Variants in NRXN3 observed in about 807,000 individuals in gnomAD.
NRXN3 encodes neurexin III.
In NRXN3, 32 loss-of-function variants were observed where a neutral mutation model predicts 137.6. The ratio of observed to expected loss-of-function variants is 0.23; its 90% CI spans 0.18 to 0.31. The LOEUF (loss-of-function observed/expected upper bound fraction) is 0.31, where lower values mean the gene tolerates loss of function less well. Among genes scored for constraint, NRXN3 ranks in the 10% least tolerant of loss-of-function variants. NRXN3 has a pLI of 1.00. For missense variants in NRXN3, 1,574 were observed against 2,062.5 expected (o/e 0.76, Z 4.59); for synonymous variants, 798 against 784.5 (o/e 1.02, Z -0.29).
intron 4 of NRXN3, among the ~76,000 whole-genome samples, chr14:78,555,079 T>C (rs1270633192): frequency 6.6e-6 from 1 of 152,252 alleles, no homozygotes; most frequent in African/African-American, 2.4e-5. Context: ...TCTGTGTCTC[T>C]ATTTCTCCCT....
intron 15 of NRXN3, among the ~76,000 whole-genome samples, chr14:79,391,613 G>T (rs1566993419): frequency 6.6e-6 from 1 of 152,136 alleles, no homozygotes; most frequent in Non-Finnish European, 1.5e-5. Context: ...ACTAAAGGGT[G>T]AGCTGTATCA....
At chr14:78,736,655 T>C (rs2098542432) in intron 8 of NRXN3, among the ~76,000 whole-genome samples, 1 of 152,226 alleles carries the variant, frequency 6.6e-6, no homozygotes, top group Non-Finnish European at 1.5e-5. Context: ...ATTTACACTT[T>C]TATTCATTCA....
intron 15 of NRXN3, among the ~76,000 whole-genome samples, chr14:79,325,335 G>A (rs749186490): frequency 7.9e-5 from 12 of 152,134 alleles, no homozygotes; most frequent in Non-Finnish European, 1.5e-4. Flanking sequence ...TTGACAAGGT[G>A]ACAGAGAGCC....
rs141541770 is a variant in NRXN3, at chr14:79,416,431, C to G, written c.3263-50790C>G. 3.9e-5 allele frequency among the ~76,000 whole-genome samples: 6 copies of G among 152,214 alleles called. No homozygotes were observed. In the East Asian group the frequency reaches 1.2e-3, roughly 29 times the overall value. On this transcript the variant is annotated intron_variant, in intron 15 of 20. Coordinates refer to ENST00000335750, the MANE Select transcript of NRXN3 (RefSeq NM_001330195.2). ...ACAAACAGAAAGCTATCTCATAGTTCTTGTATGACCAGAAAGTTATTGAAA... is the reference window on the plus strand; with the variant it reads ...ACAAACAGAAAGCTATCTCATAGTTGTTGTATGACCAGAAAGTTATTGAAA...
chr14:79,317,706 A>T (rs1038851208), intron 15 of NRXN3, among the ~76,000 whole-genome samples: 2 of 152,212 alleles, frequency 1.3e-5, no homozygotes, highest in African/African-American at 4.8e-5. Flanking sequence ...CCAAAGTGGG[A>T]TACATACATT....
chr14:79,424,834 G>A (rs2095630951), intron 15 of NRXN3, among the ~76,000 whole-genome samples: 1 of 152,164 alleles, frequency 6.6e-6, no homozygotes, highest in African/African-American at 2.4e-5. Context: ...CTTTTGGAAA[G>A]AATGAAATAT....
chr14:79,225,107 G>A (rs990712051), intron 15 of NRXN3, among the ~76,000 whole-genome samples: 1 of 152,116 alleles, frequency 6.6e-6, no homozygotes, highest in Non-Finnish European at 1.5e-5. Context: ...ATGGAGGCAG[G>A]AATCCAAGAA....
chr14:79,295,051 C>T (rs1298853964), intron 15 of NRXN3, among the ~76,000 whole-genome samples: 6 of 152,200 alleles, frequency 3.9e-5, no homozygotes, highest in East Asian at 1.9e-4. Flanking sequence ...ATGGGCTCTT[C>T]GTGTCATTTC....
chr14:79,546,507 G>C lies in NRXN3; in HGVS notation c.3444+79105G>C, dbSNP rs181252317. Among the ~76,000 whole-genome samples, 577 of 152,236 alleles carry C rather than the reference G, an allele frequency of 3.8e-3. 7 individuals are homozygous for C. Among genetic ancestry groups the C allele is most frequent in the Non-Finnish European group, 2.8e-3 (191 of 68,010 alleles). On this transcript the variant is annotated intron_variant, in intron 16 of 20. Coordinates refer to ENST00000335750, the MANE Select transcript of NRXN3 (RefSeq NM_001330195.2). ...CATTAAGCAAATGTAAGATGTTTGA[G>C]TTTCAAAGATGAACAAGTGACTTGT...
At chr14:78,593,932 C>G (rs1219957705) in intron 4 of NRXN3, among the ~76,000 whole-genome samples, 1 of 152,150 alleles carries the variant, frequency 6.6e-6, no homozygotes, top group Admixed American at 6.5e-5. Flanking sequence ...ATGCTAGATT[C>G]ATGTGCATGA....
At chr14:78,296,860 G>C (rs949294650) in intron 3 of NRXN3, among the ~76,000 whole-genome samples, 8 of 151,046 alleles carry the variant, frequency 5.3e-5, no homozygotes, top group Admixed American at 5.3e-4. Context: ...CCTGAATTTT[G>C]CTCAGAGTAA....
chr14:78,527,153 T>A lies in NRXN3; in HGVS notation c.758-117967T>A, dbSNP rs113104819. On this transcript the variant is annotated intron_variant, in intron 4 of 20. Coordinates refer to ENST00000335750, the MANE Select transcript of NRXN3 (RefSeq NM_001330195.2). ...TTTATTTATCCTTACACCTTTGTAT[T>A]AGTCCATTCTCACACTGCTACAAAT... is the stretch of plus-strand genomic sequence containing the variant. Among the ~76,000 whole-genome samples the A allele has an allele frequency of 1.6e-3, 238 of 152,314 alleles. 1 individual carries two copies. The highest frequency in any genetic ancestry group is 5.6e-3 in the African/African-American group (234 of 41,570).
chr14:78,225,974 G>GGGGTGTGT (rs1555412825), intron 1 of NRXN3, among the ~76,000 whole-genome samples: 1 of 123,632 alleles, frequency 8.1e-6, no homozygotes, highest in East Asian at 2.4e-4. Context: ...TGTGTGTGTT[G>GGGGTGTGT]GTGTGTGTGT....
intron 15 of NRXN3, among the ~76,000 whole-genome samples, chr14:79,142,350 C>T (rs578190622): frequency 6.3e-4 from 95 of 151,684 alleles, no homozygotes; most frequent in African/African-American, 1.8e-3. Context: ...TGCTTGAACC[C>T]GGGAGGCAGA....
At chr14:78,870,196 C>T (rs1236453555) in intron 10 of NRXN3, among the ~76,000 whole-genome samples, 1 of 152,124 alleles carries the variant, frequency 6.6e-6, no homozygotes, top group African/African-American at 2.4e-5. Flanking sequence ...ACAGATGAGC[C>T]TAGGAGAAGG....
intron 6 of NRXN3, among the ~76,000 whole-genome samples, chr14:78,662,508 A>G (rs1021973308): frequency 2.6e-5 from 4 of 152,172 alleles, no homozygotes; most frequent in African/African-American, 9.7e-5. Context: ...CTGCCTTCAA[A>G]GTAATGAGTT....
chr14:79,014,376 G>A (rs115082634), intron 15 of NRXN3, among the ~76,000 whole-genome samples: 22 of 152,162 alleles, frequency 1.4e-4, no homozygotes, highest in African/African-American at 4.6e-4. Context: ...TTCTTTTCTT[G>A]TGTTAGTTCA....
chr14:78,257,308 A>G (rs1376701213), intron 2 of NRXN3, among the ~76,000 whole-genome samples: 1 of 152,260 alleles, frequency 6.6e-6, no homozygotes, highest in African/African-American at 2.4e-5. Context: ...TTCACCTGAC[A>G]TTCACTACAT....
At chr14:79,339,154 C>T (rs1456416186) in intron 15 of NRXN3, among the ~76,000 whole-genome samples, 2 of 152,124 alleles carry the variant, frequency 1.3e-5, no homozygotes, top group East Asian at 3.9e-4. Flanking sequence ...GTTACCTTCA[C>T]AGTAACAGCT....
Sources: gnomAD v4.1 joint callset for allele counts (sites outside exome capture counted in the v4.1 genomes callset) on GRCh38, gnomAD v4.1.1 for gene constraint, MANE v1.5 for transcripts, NCBI Gene and HGNC (gene_info 2026-07-23, HGNC 2026-07-21) for gene names.